The following THRB variants were observed in gnomAD, a reference collection of about 807,000 sequenced individuals.
The protein encoded by THRB is nuclear receptor subfamily 1 group A member 2.
A neutral mutation model predicts 47.8 loss-of-function variants in THRB; 12 were observed. The observed-to-expected ratio is 0.25, with a 90% CI of 0.16 to 0.41. The LOEUF (loss-of-function observed/expected upper bound fraction) is 0.41. Ranked by LOEUF, THRB falls within the 10% of genes least tolerant of loss-of-function variation. The probability of loss-of-function intolerance (pLI) is 1.00; values close to 1 mark genes in which losing one functional copy is unlikely to be tolerated. For synonymous variants in THRB, 218 were observed against 212.2 expected (o/e 1.03, Z -0.24); for missense variants, 348 against 589.2 (o/e 0.59, Z 4.24).
At chr3:24,269,405 A>G (rs926566691) in intron 3 of THRB, among the ~76,000 whole-genome samples, 1,215 of 36,474 alleles carry the variant, frequency 0.033, 17 homozygotes, top group African/African-American at 0.097. Context: ...GCGCGCGCGC[A>G]CACACACACA....
At chr3:24,315,691 G>A (rs1410858148) in intron 2 of THRB, among the ~76,000 whole-genome samples, 1 of 152,144 alleles carries the variant, frequency 6.6e-6, no homozygotes, top group Non-Finnish European at 1.5e-5. Flanking sequence ...CACCTGACAT[G>A]CTACCTTATC....
chr3:24,186,270 C>T (rs1313829150), intron 5 of THRB, among the ~76,000 whole-genome samples: 1 of 152,158 alleles, frequency 6.6e-6, no homozygotes, highest in Non-Finnish European at 1.5e-5. Context: ...TCCAGGTTCT[C>T]CTAGTGCCAC....
At chr3:24,413,106 C>T (rs2068445948) in intron 1 of THRB, among the ~76,000 whole-genome samples, 1 of 151,790 alleles carries the variant, frequency 6.6e-6, no homozygotes. Context: ...AGGAAACAAT[C>T]TCAAAATATG....
intron 4 of THRB, 44 bp from the exon 5 acceptor site, chr3:24,190,378 C>T: frequency 1.2e-6 from 2 of 1,613,460 alleles, no homozygotes; most frequent in Non-Finnish European, 1.7e-6. Flanking sequence ...TTGGCATTGT[C>T]AAGATTTTGC....
intron 1 of THRB, among the ~76,000 whole-genome samples, chr3:24,452,993 C>T (rs2072816925): frequency 6.6e-6 from 1 of 151,942 alleles, no homozygotes; most frequent in Non-Finnish European, 1.5e-5. Context: ...ATCTCACATC[C>T]ATCCAAACAA....
At chr3:24,360,666 C>G (rs965535660) in intron 1 of THRB, among the ~76,000 whole-genome samples, 1 of 152,098 alleles carries the variant, frequency 6.6e-6, no homozygotes, top group Admixed American at 6.5e-5. Context: ...TCATAGCTCC[C>G]CAGGTAGTTC....
rs530316676 is a variant in THRB at position 24,382,829 on chromosome 3, T to C, written c.-260-45458A>G. On this transcript the variant is annotated intron_variant, in intron 1 of 10. Coordinates refer to ENST00000646209, the MANE Select transcript of THRB (RefSeq NM_001354712.2). ...CCAAACTGCCTTCATTTTTCCCCTT[T>C]CACTTCTGCAACAGCCTCCCACCTG... Among the ~76,000 whole-genome samples the C allele has an allele frequency of 3.3e-5, 5 of 152,270 alleles. No individual in the cohort carries two copies. In the South Asian group the frequency reaches 1.0e-3, roughly 32 times the overall value.
intron 6 of THRB, among the ~76,000 whole-genome samples, chr3:24,151,840 CTACT>C (rs1559462783): frequency 6.6e-6 from 1 of 152,202 alleles, no homozygotes; most frequent in Admixed American, 6.5e-5. Context: ...TGACCAGAAT[CTACT>C]TAGTCACTGC....
At chr3:24,291,922 A>G (rs1180732985) in intron 3 of THRB, among the ~76,000 whole-genome samples, 5 of 152,180 alleles carry the variant, frequency 3.3e-5, no homozygotes, top group Non-Finnish European at 5.9e-5. Flanking sequence ...GTATATATAT[A>G]TGTTCATTGT....
At chr3:24,354,723 G>A (rs762795947) in intron 1 of THRB, among the ~76,000 whole-genome samples, 10 of 152,098 alleles carry the variant, frequency 6.6e-5, no homozygotes, top group Admixed American at 6.6e-4. Flanking sequence ...TAAAAGTGAA[G>A]AGCAAACTTC....
intron 2 of THRB, among the ~76,000 whole-genome samples, chr3:24,312,491 G>A (rs1329595722): frequency 6.6e-6 from 1 of 152,162 alleles, no homozygotes; most frequent in African/African-American, 2.4e-5. Context: ...GATACAAAAG[G>A]TTCCTTCCCA....
intron 1 of THRB, among the ~76,000 whole-genome samples, chr3:24,422,198 T>A (rs2069330410): frequency 6.6e-6 from 1 of 151,952 alleles, no homozygotes; most frequent in Non-Finnish European, 1.5e-5. Context: ...TGAGATTCTA[T>A]CTAATTGTTC....
chr3:24,133,296 A>T lies in THRB; in HGVS notation c.885+20T>A. 2.5e-6 allele frequency: 4 copies of T among 1,613,690 alleles called. No homozygotes were observed. In the South Asian group the frequency reaches 4.4e-5, roughly 18 times the overall value. ...AAACTATAATTAAGAATAATGCAGAAGGAAAAACAACATCCTCACCTCACA... is the reference window on the plus strand; with the variant it reads ...AAACTATAATTAAGAATAATGCAGATGGAAAAACAACATCCTCACCTCACA... On this transcript the variant is annotated intron_variant, in intron 9 of 10. Coordinates refer to ENST00000646209, the MANE Select transcript of THRB (RefSeq NM_001354712.2).
intron 4 of THRB, among the ~76,000 whole-genome samples, chr3:24,213,200 G>A (rs1050989188): frequency 1.3e-5 from 2 of 152,214 alleles, no homozygotes; most frequent in Admixed American, 1.3e-4. Flanking sequence ...GCTGTCCCAG[G>A]TCCAGGAGCC....
At chr3:24,183,679 CT>C (rs35441182) in intron 5 of THRB, among the ~76,000 whole-genome samples, 46,160 of 136,998 alleles carry the variant, frequency 0.34, 7,556 homozygotes, top group Admixed American at 0.4. Context: ...GGCCTTTCAT[CT>C]TTTTTTTTTT....
At position 24,299,784 on chromosome 3, in the gene THRB, TATTTA is replaced by T. The variant is rs1559869939; in HGVS notation, c.-188-2418_-188-2414del. On this transcript the variant is annotated intron_variant, in intron 2 of 10. Coordinates refer to ENST00000646209, the MANE Select transcript of THRB (RefSeq NM_001354712.2). ...AAGTATGCTTTTTTATTTATTTATT[TATTTA>T]TTTTTTTTTTTTTAGCAAACATACC... 6.1e-3 allele frequency among the ~76,000 whole-genome samples: 363 copies of T among 59,252 alleles called. 63 individuals carry two copies. Among genetic ancestry groups the T allele is most frequent in the South Asian group, 0.024 (40 of 1,638 alleles). The allele number at this position is 59,252 out of a possible 152,430, so 38.9% of individuals were successfully genotyped here. A position where few individuals can be genotyped will look rare whatever the true frequency, so the allele number is the denominator to read the frequency against.
intron 1 of THRB, among the ~76,000 whole-genome samples, chr3:24,342,299 G>A (rs1353439586): frequency 6.6e-6 from 1 of 152,156 alleles, no homozygotes; most frequent in Non-Finnish European, 1.5e-5. Context: ...AGAGAATAAT[G>A]CAGGGGATTG....
intron 1 of THRB, among the ~76,000 whole-genome samples, chr3:24,489,099 C>T (rs531922547): frequency 3.6e-4 from 55 of 151,946 alleles, no homozygotes; most frequent in South Asian, 6.3e-4. Context: ...ACTAAAATTA[C>T]AAAAATTAGC....
At chr3:24,365,316 A>G (rs1441341867) in intron 1 of THRB, among the ~76,000 whole-genome samples, 1 of 152,182 alleles carries the variant, frequency 6.6e-6, no homozygotes, top group African/African-American at 2.4e-5. Context: ...CCCTCTGCCC[A>G]TGTTTGCAAG....
Sources: gnomAD v4.1 joint callset for allele counts (sites outside exome capture counted in the v4.1 genomes callset) on GRCh38, gnomAD v4.1.1 for gene constraint, MANE v1.5 for transcripts, NCBI Gene and HGNC (gene_info 2026-07-23, HGNC 2026-07-21) for gene names.